Variants in MYO3B observed in about 807,000 individuals in gnomAD.
MYO3B encodes the protein myosin-IIIb.
In MYO3B, 156 loss-of-function variants were observed where a neutral mutation model predicts 174.6. The observed-to-expected ratio is 0.89, with a 90% CI of 0.78 to 1.02. MYO3B has a LOEUF of 1.02. Among genes scored for constraint, MYO3B ranks in the 50% least tolerant of loss-of-function variants. The pLI, the probability that MYO3B is intolerant of heterozygous loss-of-function variation, is 0.00. For synonymous variants in MYO3B, 563 were observed against 569.1 expected, an observed-to-expected ratio of 0.99 and a Z score of 0.15; for missense variants, 1,632 against 1,639.4, an observed-to-expected ratio of 1.00 and a Z score of 0.08.
intron 25 of MYO3B, among the ~76,000 whole-genome samples, chr2:170,491,020 G>A (rs1433246227): frequency 2.6e-5 from 4 of 151,912 alleles, no homozygotes; most frequent in Non-Finnish European, 1.5e-5. Context: ...CCAGCTTTTG[G>A]TTTCATCAGT....
At chr2:170,601,836 C>T (rs1298978881) in intron 32 of MYO3B, 6 of 973,482 alleles carry the variant, frequency 6.2e-6, no homozygotes, top group African/African-American at 1.6e-5. Flanking sequence ...TATTCCACAT[C>T]TCTACCAGTT....
chr2:170,396,701 G>C (rs944451388), intron 16 of MYO3B, among the ~76,000 whole-genome samples: 1 of 152,098 alleles, frequency 6.6e-6, no homozygotes, highest in Non-Finnish European at 1.5e-5. Context: ...GAAGCAACGG[G>C]GCAAGATGCT....
chr2:170,405,408 C>T, intron 20 of MYO3B, 137 bp from the exon 21 acceptor site: 1 of 686,188 alleles, frequency 1.5e-6, no homozygotes, highest in Non-Finnish European at 2.5e-6. Flanking sequence ...TATCGGTGAT[C>T]TTTCTCCACC....
chr2:170,472,889 TG>T (rs1685063938), intron 25 of MYO3B, among the ~76,000 whole-genome samples: 1 of 151,258 alleles, frequency 6.6e-6, no homozygotes, highest in Non-Finnish European at 1.5e-5. Flanking sequence ...TTAGTAGCGA[TG>T]AGGTCTCACC....
chr2:170,532,675 G>T (rs1006954128), intron 30 of MYO3B, among the ~76,000 whole-genome samples: 2 of 152,022 alleles, frequency 1.3e-5, no homozygotes, highest in African/African-American at 4.8e-5. Context: ...AATTAGTCAG[G>T]CATGGTGGCA....
chr2:170,514,935 CA>C lies in MYO3B; in HGVS notation c.3388del (p.Ser1130AlafsTer106). ...AHNQAGDTSN[Q>X]SSGPHSPVAA... Reference sequence around the variant, plus strand: ...TCATTCCACAGGGGACACTTCAAACCAAAGCAGTGGGCCACATTCCCCCGTC... The same window carrying C: ...TCATTCCACAGGGGACACTTCAAACCAAGCAGTGGGCCACATTCCCCCGTC... On this transcript the variant is annotated frameshift_variant, in exon 29 of 35. Transcript: ENST00000408978. LOFTEE classifies it high-confidence loss of function. The C allele has an allele frequency of 6.2e-7, 1 of 1,613,816 alleles. No homozygotes were observed. The highest frequency in any genetic ancestry group is 8.5e-7 in the Non-Finnish European group (1 of 1,179,882).
chr2:170,453,455 A>ACACACACACACACACACACAC (rs1559016281), intron 23 of MYO3B, among the ~76,000 whole-genome samples: 6 of 102,160 alleles, frequency 5.9e-5, no homozygotes, highest in South Asian at 3.3e-4. Context: ...CACACACACG[A>ACACACACACACACACACACAC]GAGAGAGAGA....
chr2:170,579,979 G>A (rs1693025713), intron 32 of MYO3B, among the ~76,000 whole-genome samples: 1 of 152,218 alleles, frequency 6.6e-6, no homozygotes, highest in Non-Finnish European at 1.5e-5. Context: ...AAATTACAGA[G>A]TTGTGATGCT....
chr2:170,347,889 A>AC (rs1402948853), intron 8 of MYO3B: 1 of 152,246 alleles, frequency 6.6e-6, no homozygotes, highest in African/African-American at 2.4e-5. Flanking sequence ...CATCTATTAA[A>AC]CAGCTACTCC....
chr2:170,463,314 G>GC, intron 23 of MYO3B, 54 bp from the exon 24 acceptor site: 1 of 1,512,316 alleles, frequency 6.6e-7, no homozygotes, highest in South Asian at 1.1e-5. Flanking sequence ...AAGACATGGA[G>GC]CATGAGGTAA....
intron 8 of MYO3B, among the ~76,000 whole-genome samples, chr2:170,338,604 TTTTG>T (rs751011447): frequency 4.9e-4 from 74 of 152,136 alleles, no homozygotes; most frequent in Non-Finnish European, 7.8e-4. Context: ...ACTTTCTTTT[TTTTG>T]TTTGTTTGTT....
chr2:170,454,886 G>A (rs2105936502), intron 23 of MYO3B, among the ~76,000 whole-genome samples: 1 of 152,290 alleles, frequency 6.6e-6, no homozygotes, highest in Admixed American at 6.5e-5. Flanking sequence ...TGCATTAGGA[G>A]TTCTGATTGG....
intron 32 of MYO3B, among the ~76,000 whole-genome samples, chr2:170,546,814 C>G (rs1575145710): frequency 6.6e-6 from 1 of 152,232 alleles, no homozygotes; most frequent in Middle Eastern, 3.4e-3. Context: ...AACATTGTGA[C>G]CTTTTCAGTT....
intron 25 of MYO3B, among the ~76,000 whole-genome samples, chr2:170,478,948 G>A (rs1685500771): frequency 6.7e-6 from 1 of 148,614 alleles, no homozygotes; most frequent in South Asian, 2.1e-4. Context: ...TATATAATAG[G>A]TGTTATTATA....
intron 7 of MYO3B, among the ~76,000 whole-genome samples, chr2:170,254,616 G>A (rs2093287791): frequency 6.6e-6 from 1 of 152,190 alleles, no homozygotes; most frequent in South Asian, 2.1e-4. Flanking sequence ...ACCCAGAGGG[G>A]TCAGAGGACA....
At chr2:170,619,222 T>C (rs890806482) in intron 32 of MYO3B, among the ~76,000 whole-genome samples, 1 of 152,130 alleles carries the variant, frequency 6.6e-6, no homozygotes, top group Non-Finnish European at 1.5e-5. Flanking sequence ...CCTAGAGCTA[T>C]GAACATCTGC....
chr2:170,633,030 TCTACCAGAGGTA>T (rs1654507963), intron 32 of MYO3B, among the ~76,000 whole-genome samples: 1 of 152,184 alleles, frequency 6.6e-6, no homozygotes, highest in African/African-American at 2.4e-5. Context: ...ACAGCCGAAT[TCTACCAGAGGTA>T]CAAGGAGGAG....
At chr2:170,293,770 A>G (rs2093611127) in intron 7 of MYO3B, among the ~76,000 whole-genome samples, 1 of 151,010 alleles carries the variant, frequency 6.6e-6, no homozygotes, top group African/African-American at 2.4e-5. Context: ...CTTTCTTTAG[A>G]GTTTTAGCTG....
At chr2:170,501,247 TC>T (rs796622568) in intron 27 of MYO3B, among the ~76,000 whole-genome samples, 10 of 152,258 alleles carry the variant, frequency 6.6e-5, no homozygotes, top group African/African-American at 2.4e-4. Flanking sequence ...TTCCTCTCCC[TC>T]AGCATACCTC....
Sources: allele counts gnomAD v4.1 joint callset (sites outside exome capture counted in the v4.1 genomes callset), GRCh38; gene constraint gnomAD v4.1.1; transcripts MANE v1.5; gene names NCBI Gene and HGNC (gene_info 2026-07-23, HGNC 2026-07-21).